PDE4A: variants seen among roughly 807,000 people sequenced by gnomAD.
PDE4A encodes the protein 3',5'-cyclic-AMP phosphodiesterase 4A.
PDE4A carries 21 observed loss-of-function variants against 73.9 expected under a neutral mutation model. That is an observed-to-expected ratio of 0.28 (90% CI 0.20 to 0.41). PDE4A has a LOEUF of 0.41. Among genes scored for constraint, PDE4A ranks in the 10% least tolerant of loss-of-function variants. The pLI is 1.00. For missense variants in PDE4A, 958 were observed against 1,211.4 expected (o/e 0.79, Z 3.10); for synonymous variants, 463 against 505.4 (o/e 0.92, Z 1.13).
rs2043402662 is a variant in PDE4A, at chr19:10,467,630, C to T, written c.*9C>T. 1 of 1,536,466 alleles carries T rather than the reference C, an allele frequency of 6.5e-7. No individual in the cohort carries two copies. Among genetic ancestry groups the T allele is most frequent in the Admixed American group, 2.0e-5 (1 of 50,874 alleles). On this transcript the variant is annotated 3_prime_UTR_variant, in exon 15 of 15. Coordinates refer to ENST00000380702, the MANE Select transcript of PDE4A (RefSeq NM_001111307.2). ...GTGGAGACCCTACCTGATCCCCAGA[C>T]CTCTGTCCCTGTTCCCCTCCACTCC... is the stretch of plus-strand genomic sequence containing the variant.
At position 10,421,035 on chromosome 19, in the gene PDE4A, C is replaced by T. The variant is rs201974746; in HGVS notation, c.271C>T (p.His91Tyr). 7.0e-7 allele frequency: 1 copy of T among 1,433,084 alleles called. No individual in the cohort carries two copies. The allele number at this position is 1,433,084 out of a possible 1,614,324, so 88.8% of individuals were successfully genotyped here. A position where few individuals can be genotyped will look rare whatever the true frequency, so the allele number is the denominator to read the frequency against. Residue 91 changes from histidine (H) to tyrosine (Y), a missense_variant, in exon 1 of 15, where the codon CAT (histidine) becomes TAT (tyrosine). His to Tyr is a moderately conservative substitution (Grantham distance 83). Transcript: ENST00000380702. ...CCGCATGTCCTGGCCCTCGTCCTTC[C>T]ATGGCACTGGCACCGGCAGCGGCGG... is the stretch of plus-strand genomic sequence containing the variant. Reference protein sequence around the residue: ...TTRMSWPSSFHGTGTGSGGAG... With the variant: ...TTRMSWPSSFYGTGTGSGGAG...
chr19:10,460,293 G>A (rs1320864555), intron 10 of PDE4A, among the ~76,000 whole-genome samples: 3 of 150,664 alleles, frequency 2.0e-5, no homozygotes, highest in Non-Finnish European at 4.4e-5. Flanking sequence ...GAGGTCGGGA[G>A]TTTGAGACCA....
At chr19:10,423,661 T>C (rs2145446458) in intron 1 of PDE4A, among the ~76,000 whole-genome samples, 1 of 152,326 alleles carries the variant, frequency 6.6e-6, no homozygotes, top group East Asian at 1.9e-4. Context: ...AGCTTGGAGA[T>C]GTGTGTAAAG....
chr19:10,447,415 C>T (rs553783616), intron 2 of PDE4A, among the ~76,000 whole-genome samples: 12 of 149,934 alleles, frequency 8.0e-5, no homozygotes, highest in South Asian at 2.1e-4. Flanking sequence ...TTAGTAGAGA[C>T]GGGGTTTCAC....
chr19:10,438,749 G>C (rs2042898669), intron 1 of PDE4A, among the ~76,000 whole-genome samples: 1 of 152,106 alleles, frequency 6.6e-6, no homozygotes, highest in African/African-American at 2.4e-5. Flanking sequence ...TGGGATTACA[G>C]GCATGTGCCA....
chr19:10,434,722 C>T (rs1165000202), intron 1 of PDE4A, among the ~76,000 whole-genome samples: 1 of 151,912 alleles, frequency 6.6e-6, no homozygotes, highest in Non-Finnish European at 1.5e-5. Context: ...TCCCAAGTAG[C>T]TAGGATTACA....
chr19:10,463,662 AAGT>A (rs1361382380), intron 13 of PDE4A, 128 bp from the exon 14 acceptor site: 28 of 1,485,146 alleles, frequency 1.9e-5, no homozygotes, highest in African/African-American at 1.4e-5. Context: ...CAGCATCCCA[AAGT>A]ACTGGAATTA....
intron 13 of PDE4A, among the ~76,000 whole-genome samples, chr19:10,462,988 G>A (rs904043205): frequency 6.6e-6 from 1 of 152,164 alleles, no homozygotes; most frequent in Non-Finnish European, 1.5e-5. Context: ...GAGGCCAGGA[G>A]TTTGAGACCA....
intron 1 of PDE4A, chr19:10,432,333 C>G: frequency 7.9e-7 from 1 of 1,267,324 alleles, no homozygotes; most frequent in South Asian, 2.7e-5. Flanking sequence ...GGAGGCGGTG[C>G]CGGCAGTGGA....
In PDE4A at chr19:10,453,042, G is replaced by A. The variant is rs1033970504; in HGVS notation, c.784-1787G>A. 12 of 1,339,872 alleles carry A rather than the reference G, an allele frequency of 9.0e-6. No individual in the cohort carries two copies. In the African/African-American group the frequency reaches 1.4e-4, roughly 15 times the overall value. The allele number at this position is 1,339,872 out of a possible 1,614,324, so 83.0% of individuals were successfully genotyped here. A position where few individuals can be genotyped will look rare whatever the true frequency, so the allele number is the denominator to read the frequency against. ...CGCCTCCACCCACTGCCGCGGGGGG[G>A]CCCGTTGGGGCCCAGGGCTGGCGGG... On this transcript the variant is annotated intron_variant, in intron 6 of 14. Coordinates refer to ENST00000380702, the MANE Select transcript of PDE4A (RefSeq NM_001111307.2). This position sits in a 1 kb window ranked among gnomAD's most constrained non-coding sequence, Gnocchi z 4.6.
intron 1 of PDE4A, among the ~76,000 whole-genome samples, chr19:10,442,018 C>T (rs2042945575): frequency 6.6e-6 from 1 of 152,044 alleles, no homozygotes; most frequent in South Asian, 2.1e-4. Flanking sequence ...TGTGGTCCAC[C>T]TCTTCAGTTT....
chr19:10,435,835 G>C (rs1375992634), intron 1 of PDE4A, among the ~76,000 whole-genome samples: 1 of 152,138 alleles, frequency 6.6e-6, no homozygotes, highest in Non-Finnish European at 1.5e-5. Flanking sequence ...TCAGGGATCT[G>C]ATTCTGGGGC....
At chr19:10,446,551 C>A in intron 2 of PDE4A, 142 bp downstream of exon 2, 1 of 892,444 alleles carries the variant, frequency 1.1e-6, no homozygotes, top group Non-Finnish European at 1.6e-6. Context: ...GGGTAAGCAG[C>A]ACCCTGCCCC....
intron 1 of PDE4A, among the ~76,000 whole-genome samples, chr19:10,432,066 G>C (rs1048247790): frequency 3.3e-5 from 5 of 151,642 alleles, no homozygotes; most frequent in Admixed American, 6.6e-5. Context: ...CCAGCTCGAC[G>C]TCAGGGCGGG....
At chr19:10,463,681 G>T (rs145662339) in intron 13 of PDE4A, 112 bp from the exon 14 acceptor site, 3 of 1,535,606 alleles carry the variant, frequency 2.0e-6, no homozygotes, top group African/African-American at 2.7e-5. Context: ...AATTACAGGC[G>T]TGAGCCACAG....
At chr19:10,423,153 T>TTC (rs1266758324) in intron 1 of PDE4A, 1 of 963,164 alleles carries the variant, frequency 1.0e-6, no homozygotes, top group African/African-American at 1.8e-5. Context: ...ACAAAACCCT[T>TTC]TCTCTTTTTT....
At position 10,420,708 on chromosome 19, in the gene PDE4A, G is replaced by A. The variant is rs559312794; in HGVS notation, c.-57G>A. The A allele has an allele frequency of 7.6e-5, 107 of 1,416,228 alleles. No individual in the cohort carries two copies. The highest frequency in any genetic ancestry group is 9.5e-5 in the Non-Finnish European group (104 of 1,097,130). 87.7% of individuals were successfully genotyped at this position (1,416,228 alleles called of 1,614,324 possible). ...GGCTCGCTGGCTTGCGCGCAGCTGA[G>A]CGGGGTGTAGGTTGGAAGGGCCAGG... is the stretch of plus-strand genomic sequence containing the variant. On this transcript the variant is annotated 5_prime_UTR_variant, in exon 1 of 15. Coordinates refer to ENST00000380702, the MANE Select transcript of PDE4A (RefSeq NM_001111307.2). This position sits in a 1 kb window ranked among gnomAD's most constrained non-coding sequence, Gnocchi z 6.0.
rs537588270 is a variant in PDE4A at position 10,440,877 on chromosome 19, C to T, written c.321-5341C>T. Among the ~76,000 whole-genome samples, 173 of 150,520 alleles carry T rather than the reference C, an allele frequency of 1.1e-3. 1 individual carries two copies. Among genetic ancestry groups the T allele is most frequent in the African/African-American group, 4.1e-3 (166 of 40,900 alleles). The stretch of plus-strand genomic sequence containing the variant: ...CCTCCCAAAGTGCTGGGATTACAGG[C>T]GTGAGCCACCACGCCCAGCCAATTT... On this transcript the variant is annotated intron_variant, in intron 1 of 14. Coordinates refer to ENST00000380702, the MANE Select transcript of PDE4A (RefSeq NM_001111307.2).
intron 1 of PDE4A, among the ~76,000 whole-genome samples, chr19:10,437,039 AAAATAAAT>A (rs138679319): frequency 6.6e-6 from 1 of 152,100 alleles, no homozygotes; most frequent in Non-Finnish European, 1.5e-5. Context: ...CTCCATCTCA[AAAATAAAT>A]AAATAAATAA....
Sources: allele counts gnomAD v4.1 joint callset (sites outside exome capture counted in the v4.1 genomes callset), GRCh38; gene constraint gnomAD v4.1.1; non-coding constraint Gnocchi (gnomAD v3.1); transcripts MANE v1.5; gene names NCBI Gene and HGNC (gene_info 2026-07-23, HGNC 2026-07-21).